RAD51C: variants seen among roughly 807,000 people sequenced by gnomAD.
RAD51C encodes DNA repair protein RAD51 homolog 3.
A neutral mutation model predicts 45.0 loss-of-function variants in RAD51C; 42 were observed. That is an observed-to-expected ratio of 0.93 (90% CI 0.73 to 1.21). The LOEUF (loss-of-function observed/expected upper bound fraction) is 1.21. Among genes scored for constraint, RAD51C ranks in the 50% most tolerant of loss-of-function variants. The pLI is 0.00. For missense variants in RAD51C, 474 were observed against 452.2 expected (o/e 1.05, Z -0.44); for synonymous variants, 172 against 159.8 (o/e 1.08, Z -0.58).
chr17:58,724,706 C>T (rs576041649), intron 7 of RAD51C, among the ~76,000 whole-genome samples: 4 of 152,094 alleles, frequency 2.6e-5, no homozygotes, highest in Admixed American at 6.6e-5. Context: ...GTGAACAAAC[C>T]AGCTTTTATT....
At position 58,692,725 on chromosome 17, in the gene RAD51C, G is replaced by C. The variant is rs1060502587; in HGVS notation, c.82G>C (p.Val28Leu). The C allele has an allele frequency of 1.2e-6, 2 of 1,614,242 alleles. No individual in the cohort carries two copies. The highest frequency in any genetic ancestry group is 1.7e-6 in the Non-Finnish European group (2 of 1,180,046). ...GTCTCCAGCGGTGCGGGTGAAGCTG[G>C]TGTCTGCGGGGTTCCAGACTGCTGA... ...PLSPAVRVKL[V>L]SAGFQTAEEL... The change falls in exon 1 of 9, where the codon GTG becomes CTG. Residue 28 changes from valine to leucine, a missense_variant. By Grantham distance (32) the Val-to-Leu change is conservative. Transcript: ENST00000337432.
Position 58,709,958 on chromosome 17 carries a change from A to C in RAD51C, c.805A>C (p.Met269Leu), listed in dbSNP as rs878855181. The change falls in exon 5 of 9, where the codon ATG (methionine) becomes CTG (leucine). Residue 269 changes from methionine to leucine, a missense_variant. Coordinates refer to ENST00000337432, the MANE Select transcript of RAD51C (RefSeq NM_058216.3). ...TRLLNGLAQQ[M>L]ISLANNHRLA... ...GTTATTAAATGGCCTAGCCCAGCAA[A>C]TGATCAGCCTTGCAAATAATCACAG... 2 of 1,613,374 alleles carry C rather than the reference A, an allele frequency of 1.2e-6. No individual in the cohort carries two copies.
chr17:58,701,376 C>T (rs935182656), intron 3 of RAD51C, among the ~76,000 whole-genome samples: 6 of 151,574 alleles, frequency 4.0e-5, no homozygotes, highest in Admixed American at 6.6e-5. Flanking sequence ...GGCATGGTGG[C>T]GGGCGCCTGT....
At chr17:58,696,600 T>TA in intron 2 of RAD51C, 93 bp from the exon 3 acceptor site, 12 of 1,489,266 alleles carry the variant, frequency 8.1e-6, no homozygotes, top group Non-Finnish European at 1.1e-5. Context: ...TTATAAAACT[T>TA]TAGTGATACC....
At chr17:58,699,696 A>G (rs1232616359) in intron 3 of RAD51C, among the ~76,000 whole-genome samples, 1 of 152,238 alleles carries the variant, frequency 6.6e-6, no homozygotes, top group African/African-American at 2.4e-5. Flanking sequence ...ATCACCACAG[A>G]CAACTTTAGA....
intron 7 of RAD51C, among the ~76,000 whole-genome samples, chr17:58,730,108 A>G (rs2049353372): frequency 6.6e-6 from 1 of 151,686 alleles, no homozygotes; most frequent in Non-Finnish European, 1.5e-5. Context: ...CATTAAAGAT[A>G]GATTATCAAC....
intron 3 of RAD51C, among the ~76,000 whole-genome samples, chr17:58,702,341 T>A (rs2048238311): frequency 6.6e-6 from 1 of 152,104 alleles, no homozygotes; most frequent in Admixed American, 6.6e-5. Context: ...TTGTATATGT[T>A]TATAAATAAT....
rs910482318 is a variant in RAD51C, at chr17:58,734,351, A to C, written c.*129A>C. 8.1e-5 allele frequency: 117 copies of C among 1,448,082 alleles called. 1 individual carries two copies. In the East Asian group the frequency reaches 2.5e-3, roughly 31 times the overall value. 89.7% of individuals were successfully genotyped at this position (1,448,082 alleles called of 1,614,324 possible). A position where few individuals can be genotyped will look rare whatever the true frequency, so the allele number is the denominator to read the frequency against. On this transcript the variant is annotated 3_prime_UTR_variant, in exon 9 of 9. Transcript: ENST00000337432. Reference sequence around the variant, plus strand: ...AATGAATCCAGATCATATGAAGTGAATGGGAAAAATACCTAAATATGATTC... The same window carrying C: ...AATGAATCCAGATCATATGAAGTGACTGGGAAAAATACCTAAATATGATTC...
intron 3 of RAD51C, among the ~76,000 whole-genome samples, chr17:58,697,071 T>G (rs943133938): frequency 3.3e-5 from 5 of 152,182 alleles, no homozygotes; most frequent in African/African-American, 1.2e-4. Flanking sequence ...CCCTCACTTC[T>G]TCCTGTAGGA....
intron 7 of RAD51C, among the ~76,000 whole-genome samples, chr17:58,727,022 G>C (rs1346220354): frequency 6.6e-6 from 1 of 151,544 alleles, no homozygotes; most frequent in Admixed American, 6.6e-5. Context: ...GGGTTTCACC[G>C]TGTTAGCCAG....
intron 8 of RAD51C, among the ~76,000 whole-genome samples, chr17:58,733,908 AG>A (rs2049548456): frequency 6.6e-6 from 1 of 152,046 alleles, no homozygotes; most frequent in South Asian, 2.1e-4. Flanking sequence ...TGGTAGAGAT[AG>A]GGGTCACCAT....
In RAD51C at chr17:58,734,094, G is replaced by A. The variant is rs778814315; in HGVS notation, c.1027-24G>A. 2.1e-5 allele frequency: 33 copies of A among 1,597,554 alleles called. No homozygotes were observed. The highest frequency in any genetic ancestry group is 2.7e-5 in the Non-Finnish European group (32 of 1,170,158). ...CTTCAAATGTTCTTAAAGCATATTT[G>A]TATATATATTTTTTATCTTTCAGCC... On this transcript the variant is annotated intron_variant, in intron 8 of 8. Transcript: ENST00000337432.
intron 3 of RAD51C, among the ~76,000 whole-genome samples, chr17:58,698,405 C>T (rs1401288329): frequency 6.0e-5 from 9 of 151,072 alleles, no homozygotes; most frequent in African/African-American, 9.7e-5. Flanking sequence ...AGGATGGTCT[C>T]GATCTCCTGA....
chr17:58,706,399 C>CA (rs1442420600), intron 4 of RAD51C: 2 of 279,826 alleles, frequency 7.1e-6, no homozygotes, highest in African/African-American at 4.4e-5. Flanking sequence ...CACTGCACTC[C>CA]AGCCTGAGTG....
chr17:58,696,329 C>T (rs1381420347), intron 2 of RAD51C, among the ~76,000 whole-genome samples: 1 of 149,976 alleles, frequency 6.7e-6, no homozygotes, highest in African/African-American at 2.5e-5. Context: ...GCTACTCGGG[C>T]AGCTGAGGCA....
At chr17:58,731,498 A>G (rs28607210) in intron 7 of RAD51C, among the ~76,000 whole-genome samples, 1 of 152,174 alleles carries the variant, frequency 6.6e-6, no homozygotes, top group Non-Finnish European at 1.5e-5. Context: ...ACCTCAGGTG[A>G]TCTGCCTGCC....
rs2049560991 is a variant in RAD51C, at chr17:58,734,137, C to CTGT, written c.1051_1053dup (p.Val351dup). ...TTTCAGCCTCAGGGATTTAGAGATACTGTTGTTACTTCTGCATGTTCATTG... is the reference window on the plus strand; with the variant it reads ...TTTCAGCCTCAGGGATTTAGAGATACTGTTGTTGTTACTTCTGCATGTTCATTG... On this transcript the variant is annotated inframe_insertion, in exon 9 of 9. Coordinates refer to ENST00000337432, the MANE Select transcript of RAD51C (RefSeq NM_058216.3). 6.2e-7 allele frequency: 1 copy of CTGT among 1,613,362 alleles called. No homozygotes were observed. Among genetic ancestry groups the CTGT allele is most frequent in the Non-Finnish European group, 8.5e-7 (1 of 1,179,622 alleles).
Position 58,734,511 on chromosome 17 carries a change from CATTCATACT to C in RAD51C, c.*290_*298del. 4.4e-6 allele frequency: 2 copies of C among 456,534 alleles called. No homozygotes were observed. Among genetic ancestry groups the C allele is most frequent in the Non-Finnish European group, 7.8e-6 (2 of 256,128 alleles). The allele number at this position is 456,534 out of a possible 1,614,324, so 28.3% of individuals were successfully genotyped here. A position where few individuals can be genotyped will look rare whatever the true frequency, so the allele number is the denominator to read the frequency against. On this transcript the variant is annotated 3_prime_UTR_variant, in exon 9 of 9. Coordinates refer to ENST00000337432, the MANE Select transcript of RAD51C (RefSeq NM_058216.3). The stretch of plus-strand genomic sequence containing the variant: ...TCTCATGTGGCCAGTCTGAATTTAC[CATTCATACT>C]GTTTTCACCCCTTTCTTTCCCAGTT...
chr17:58,708,418 A>G (rs980839809), intron 4 of RAD51C, among the ~76,000 whole-genome samples: 2 of 152,052 alleles, frequency 1.3e-5, no homozygotes, highest in East Asian at 1.9e-4. Flanking sequence ...CTTATTTACT[A>G]TATCATCCCC....
Sources: gnomAD v4.1 joint callset for allele counts (sites outside exome capture counted in the v4.1 genomes callset) on GRCh38, gnomAD v4.1.1 for gene constraint, MANE v1.5 for transcripts, NCBI Gene and HGNC (gene_info 2026-07-23, HGNC 2026-07-21) for gene names.